The following LRRC4C variants were observed in gnomAD, a reference collection of about 807,000 sequenced individuals.
LRRC4C encodes leucine-rich repeat-containing protein 4C.
Under a neutral mutation model 33.6 loss-of-function variants are expected in LRRC4C, and 5 were observed. That is an observed-to-expected ratio of 0.15 (90% CI 0.08 to 0.31). The LOEUF (loss-of-function observed/expected upper bound fraction) is 0.31. Ranked by LOEUF, LRRC4C falls within the 10% of genes least tolerant of loss-of-function variation. The pLI, the probability that LRRC4C is intolerant of heterozygous loss-of-function variation, is 1.00. For synonymous variants in LRRC4C, 329 were observed against 302.0 expected, an observed-to-expected ratio of 1.09 and a Z score of -0.93; for missense variants, 560 against 796.7, an observed-to-expected ratio of 0.70 and a Z score of 3.58.
At chr11:40,717,046 A>G in intron 2 of LRRC4C, among the ~76,000 whole-genome samples, 1 of 152,180 alleles carries the variant, frequency 6.6e-6, no homozygotes, top group East Asian at 1.9e-4. Context: ...GGAAGATTCC[A>G]ACTCATTCAC....
At chr11:41,279,356 C>A (rs1328386368) in intron 1 of LRRC4C, among the ~76,000 whole-genome samples, 1 of 147,538 alleles carries the variant, frequency 6.8e-6, no homozygotes, top group Non-Finnish European at 1.5e-5. Flanking sequence ...ATCTCTCATT[C>A]CATCCCATCA....
intron 1 of LRRC4C, among the ~76,000 whole-genome samples, chr11:40,955,062 A>G (rs940424397): frequency 3.3e-5 from 5 of 151,824 alleles, no homozygotes; most frequent in Admixed American, 6.6e-5. Context: ...CCTTTTTCAG[A>G]ACAAGGGCTT....
At chr11:41,196,763 G>A (rs1590905806) in intron 1 of LRRC4C, among the ~76,000 whole-genome samples, 1 of 151,948 alleles carries the variant, frequency 6.6e-6, no homozygotes, top group Non-Finnish European at 1.5e-5. Context: ...GGATGGGTGT[G>A]CTCATGTGAT....
chr11:40,399,418 T>C (rs1396955211), intron 3 of LRRC4C, among the ~76,000 whole-genome samples: 3 of 151,486 alleles, frequency 2.0e-5, no homozygotes, highest in Non-Finnish European at 4.4e-5. Context: ...TCATTCTCAG[T>C]AAACTATCAC....
chr11:40,393,450 T>G (rs931356936), intron 3 of LRRC4C, among the ~76,000 whole-genome samples: 1 of 152,206 alleles, frequency 6.6e-6, no homozygotes, highest in Admixed American at 6.5e-5. Context: ...TACTTTGTTT[T>G]GATTCCACTA....
intron 3 of LRRC4C, among the ~76,000 whole-genome samples, chr11:40,497,259 C>A (rs1401748377): frequency 1.3e-5 from 2 of 151,922 alleles, no homozygotes; most frequent in African/African-American, 2.4e-5. Context: ...CAAAAATTAG[C>A]CAGGCATGGT....
At chr11:40,486,843 C>T (rs1031805717) in intron 3 of LRRC4C, among the ~76,000 whole-genome samples, 1 of 151,848 alleles carries the variant, frequency 6.6e-6, no homozygotes, top group South Asian at 2.1e-4. Flanking sequence ...TTGTAAACAG[C>T]GCTAAGGAGA....
At chr11:41,076,701 C>T (rs975225979) in intron 1 of LRRC4C, among the ~76,000 whole-genome samples, 1 of 152,110 alleles carries the variant, frequency 6.6e-6, no homozygotes, top group Non-Finnish European at 1.5e-5. Context: ...TTGCCCATGG[C>T]CCCTCTCAAA....
intron 1 of LRRC4C, among the ~76,000 whole-genome samples, chr11:41,155,353 C>T (rs1944180763): frequency 6.6e-6 from 1 of 152,102 alleles, no homozygotes; most frequent in Non-Finnish European, 1.5e-5. Flanking sequence ...ATATTTTACA[C>T]AGATTGTATG....
At chr11:41,120,379 A>T (rs2135757166) in intron 1 of LRRC4C, among the ~76,000 whole-genome samples, 1 of 152,012 alleles carries the variant, frequency 6.6e-6, no homozygotes, top group Non-Finnish European at 1.5e-5. Context: ...TTTCACATTC[A>T]CTCTCTACCA....
chr11:40,778,241 C>T (rs2137246799), intron 2 of LRRC4C, among the ~76,000 whole-genome samples: 1 of 152,300 alleles, frequency 6.6e-6, no homozygotes, highest in South Asian at 2.1e-4. Flanking sequence ...TTTTGTGAGG[C>T]TGGCCTGGTG....
At chr11:41,087,164 C>A (rs1312684195) in intron 1 of LRRC4C, among the ~76,000 whole-genome samples, 1 of 152,108 alleles carries the variant, frequency 6.6e-6, no homozygotes, top group Non-Finnish European at 1.5e-5. Context: ...TTAATCATTG[C>A]ATTTTTCTGA....
At chr11:40,742,674 T>C (rs1313980212) in intron 2 of LRRC4C, among the ~76,000 whole-genome samples, 1 of 152,042 alleles carries the variant, frequency 6.6e-6, no homozygotes, top group Non-Finnish European at 1.5e-5. Flanking sequence ...TGAAGTTGTT[T>C]ATCTATTCAT....
At chr11:40,401,541 G>A (rs1210996989) in intron 3 of LRRC4C, among the ~76,000 whole-genome samples, 1 of 152,048 alleles carries the variant, frequency 6.6e-6, no homozygotes, top group Non-Finnish European at 1.5e-5. Context: ...ATCATATGTC[G>A]ATTGCTTTCT....
intron 2 of LRRC4C, among the ~76,000 whole-genome samples, chr11:40,892,636 A>G (rs1486888302): frequency 6.6e-6 from 1 of 152,256 alleles, no homozygotes; most frequent in Non-Finnish European, 1.5e-5. Flanking sequence ...GATATATGTT[A>G]CAATGTGAAT....
intron 2 of LRRC4C, among the ~76,000 whole-genome samples, chr11:40,735,250 T>C (rs11036051): frequency 0.069 from 10,542 of 152,188 alleles, 611 homozygotes; most frequent in African/African-American, 0.16. Context: ...CATGCTGGTG[T>C]GCTGCACCCA....
chr11:40,149,734 AAAC>A (rs1858031613), intron 5 of LRRC4C, among the ~76,000 whole-genome samples: 1 of 152,218 alleles, frequency 6.6e-6, no homozygotes, highest in African/African-American at 2.4e-5. Context: ...TTAGATATAA[AAAC>A]ATCTGGGAGA....
intron 1 of LRRC4C, among the ~76,000 whole-genome samples, chr11:41,412,186 G>A (rs1954512969): frequency 6.6e-6 from 1 of 152,060 alleles, no homozygotes; most frequent in South Asian, 2.1e-4. Context: ...TAACCCACCA[G>A]CACTATGACC....
intron 1 of LRRC4C, among the ~76,000 whole-genome samples, chr11:41,304,581 CAGCCCCCCGCCCGGCCAGCCGCCCCGTCT>C: frequency 9.6e-6 from 1 of 104,074 alleles, no homozygotes; most frequent in Non-Finnish European, 2.0e-5. Flanking sequence ...GTGGGGGGGT[CAGCCCCCCGCCCGGCCAGCCGCCCCGTCT>C]GGGAGGGAGG....
Sources: gnomAD v4.1 joint callset for allele counts (sites outside exome capture counted in the v4.1 genomes callset) on GRCh38, gnomAD v4.1.1 for gene constraint, MANE v1.5 for transcripts, NCBI Gene and HGNC (gene_info 2026-07-23, HGNC 2026-07-21) for gene names.